DIAPH3: variants seen among roughly 807,000 people sequenced by gnomAD.
DIAPH3 encodes protein diaphanous homolog 3.
A neutral mutation model predicts 144.3 loss-of-function variants in DIAPH3; 117 were observed. That is an observed-to-expected ratio of 0.81 (90% CI 0.70 to 0.95). DIAPH3 has a LOEUF of 0.95. Ranked by LOEUF, DIAPH3 falls within the 40% of genes least tolerant of loss-of-function variation. DIAPH3 has a pLI of 0.00. For synonymous variants in DIAPH3, 519 were observed against 488.9 expected (o/e 1.06, Z -0.81); for missense variants, 1,421 against 1,412.7 (o/e 1.01, Z -0.09).
At chr13:59,876,892 G>A (rs2044664746) in intron 21 of DIAPH3, among the ~76,000 whole-genome samples, 2 of 152,030 alleles carry the variant, frequency 1.3e-5, no homozygotes, top group South Asian at 4.1e-4. Flanking sequence ...TTCCTTCTCA[G>A]GGAAAGCCTG....
intron 7 of DIAPH3, among the ~76,000 whole-genome samples, chr13:60,011,029 C>T (rs889814930): frequency 2.0e-5 from 3 of 151,636 alleles, no homozygotes; most frequent in Non-Finnish European, 2.9e-5. Flanking sequence ...CACTTGGACC[C>T]GAGAGGTGGA....
intron 20 of DIAPH3, among the ~76,000 whole-genome samples, chr13:59,897,369 C>A (rs981071384): frequency 1.3e-5 from 2 of 152,148 alleles, no homozygotes; most frequent in African/African-American, 4.8e-5. Context: ...GTGATGGGAA[C>A]AAAAGCATAT....
intron 27 of DIAPH3, among the ~76,000 whole-genome samples, chr13:59,743,646 C>G (rs1174949635): frequency 6.6e-6 from 1 of 152,180 alleles, no homozygotes; most frequent in Non-Finnish European, 1.5e-5. Flanking sequence ...TGGCCCTTCA[C>G]AGATCTACTG....
chr13:60,157,693 G>A (rs759528392), intron 1 of DIAPH3, among the ~76,000 whole-genome samples: 1 of 152,168 alleles, frequency 6.6e-6, no homozygotes, highest in Non-Finnish European at 1.5e-5. Context: ...TGAATGTATG[G>A]TGTAGGGACT....
At chr13:59,770,905 A>C (rs369307273) in intron 27 of DIAPH3, among the ~76,000 whole-genome samples, 1 of 152,302 alleles carries the variant, frequency 6.6e-6, no homozygotes, top group South Asian at 2.1e-4. Context: ...GATTTAGCAC[A>C]TACTTCATTT....
At chr13:59,823,920 T>A (rs2041223523) in intron 24 of DIAPH3, among the ~76,000 whole-genome samples, 1 of 152,212 alleles carries the variant, frequency 6.6e-6, no homozygotes, top group Admixed American at 6.5e-5. Context: ...ATAAATTATA[T>A]TTGATCAACA....
intron 5 of DIAPH3, among the ~76,000 whole-genome samples, chr13:60,029,945 T>G (rs1322653696): frequency 6.6e-6 from 1 of 152,094 alleles, no homozygotes; most frequent in East Asian, 1.9e-4. Flanking sequence ...CCACCTTCTC[T>G]GACAGCCTTT....
chr13:59,870,596 C>T (rs1456702551), intron 21 of DIAPH3, among the ~76,000 whole-genome samples: 1 of 151,350 alleles, frequency 6.6e-6, no homozygotes, highest in African/African-American at 2.4e-5. Context: ...CTGAGACATG[C>T]TTTCTATGAA....
intron 27 of DIAPH3, among the ~76,000 whole-genome samples, chr13:59,676,112 CATTTT>C (rs929844459): frequency 1.6e-4 from 25 of 152,168 alleles, no homozygotes; most frequent in African/African-American, 4.8e-4. Context: ...TGTTTCATTT[CATTTT>C]GATTCACAGA....
At chr13:59,814,092 T>C (rs1326205970) in intron 24 of DIAPH3, among the ~76,000 whole-genome samples, 1 of 152,100 alleles carries the variant, frequency 6.6e-6, no homozygotes, top group Non-Finnish European at 1.5e-5. Context: ...AATAAATAAA[T>C]AATATATCAT....
At chr13:59,900,121 T>C (rs2046348760) in intron 20 of DIAPH3, among the ~76,000 whole-genome samples, 1 of 152,206 alleles carries the variant, frequency 6.6e-6, no homozygotes, top group South Asian at 2.1e-4. Context: ...TTCCCTGTAA[T>C]GGCAGGATTT....
chr13:59,892,251 A>G (rs750649483), intron 20 of DIAPH3, among the ~76,000 whole-genome samples: 13 of 152,006 alleles, frequency 8.6e-5, no homozygotes, highest in Non-Finnish European at 1.5e-4. Flanking sequence ...TTTGGGCCCA[A>G]GAGGAAACAG....
chr13:60,044,794 T>C lies in DIAPH3; in HGVS notation c.496-1974A>G, dbSNP rs1448786089. The stretch of plus-strand genomic sequence containing the variant: ...TCTTGAATAGTAGTTTCTATAATCC[T>C]ATGTTTTGGGAGGGATCCAGTAGGA... On this transcript the variant is annotated intron_variant, in intron 4 of 27. Transcript: ENST00000400324. 3.9e-5 allele frequency among the ~76,000 whole-genome samples: 6 copies of C among 152,290 alleles called. No homozygotes were observed. In the South Asian group the frequency reaches 1.2e-3, roughly 32 times the overall value.
At chr13:59,754,093 A>G (rs2037144792) in intron 27 of DIAPH3, among the ~76,000 whole-genome samples, 1 of 152,248 alleles carries the variant, frequency 6.6e-6, no homozygotes, top group South Asian at 2.1e-4. Context: ...ATCTGTCACA[A>G]AACAGCCAGG....
rs1467175521 is a variant in DIAPH3 at position 59,992,491 on chromosome 13, T to A, written c.1107A>T (p.Gly369=). 4 of 1,611,668 alleles carry A rather than the reference T, an allele frequency of 2.5e-6. No homozygotes were observed. The highest frequency in any genetic ancestry group is 2.5e-6 in the Non-Finnish European group (3 of 1,178,954). Residue 369 remains glycine (G), a synonymous_variant, in exon 10 of 28, where the codon GGA becomes GGT. Coordinates refer to ENST00000400324, the MANE Select transcript of DIAPH3 (RefSeq NM_001042517.2). ...CACTTACTGGCAATATCTCTTTCAA[T>A]CCACAACGCATAAATTCATTTCTGA... ...LHIRNEFMRC[G]LKEILPNLKC...
At chr13:60,080,958 C>T (rs528892937) in intron 4 of DIAPH3, among the ~76,000 whole-genome samples, 30 of 151,972 alleles carry the variant, frequency 2.0e-4, no homozygotes, top group Middle Eastern at 3.4e-3. Context: ...TTTTAAAATG[C>T]GCTCATATTC....
chr13:59,967,443 T>C (rs1487123325), intron 17 of DIAPH3, among the ~76,000 whole-genome samples: 1 of 152,082 alleles, frequency 6.6e-6, no homozygotes, highest in Non-Finnish European at 1.5e-5. Flanking sequence ...GGGAGATACG[T>C]GAATGTAACA....
intron 27 of DIAPH3, among the ~76,000 whole-genome samples, chr13:59,677,076 C>A (rs936545573): frequency 6.6e-6 from 1 of 151,978 alleles, no homozygotes; most frequent in Non-Finnish European, 1.5e-5. Flanking sequence ...TTGTTTTATT[C>A]ACTGGTGTAT....
intron 17 of DIAPH3, among the ~76,000 whole-genome samples, chr13:59,963,756 A>G (rs1335301608): frequency 1.3e-5 from 2 of 152,152 alleles, no homozygotes; most frequent in Admixed American, 6.5e-5. Flanking sequence ...ACAGGTCTCA[A>G]TACATTGCCC....
Sources: gnomAD v4.1 joint callset for allele counts (sites outside exome capture counted in the v4.1 genomes callset) on GRCh38, gnomAD v4.1.1 for gene constraint, MANE v1.5 for transcripts, NCBI Gene and HGNC (gene_info 2026-07-23, HGNC 2026-07-21) for gene names.